Variants in PCDH11Y observed in about 807,000 individuals in gnomAD.
The protein encoded by PCDH11Y is protocadherin 11 Y-linked, also known as protocadherin-11 Y-linked.
For synonymous variants in PCDH11Y, 9 were observed against 83.6 expected, an observed-to-expected ratio of 0.11 and a Z score of 4.87; for missense variants, 12 against 224.8, an observed-to-expected ratio of 0.05 and a Z score of 6.05.
In PCDH11Y at chrY:5,396,866, C is replaced by T. The variant is rs1166407837; in HGVS notation, c.3130-104191C>T. ...GTGCCTCCTGGGTTCAAGCTATTCT[C>T]CTGCCTCAACCTCCTGGGTAGCTGG... On this transcript the variant is annotated intron_variant, in intron 2 of 4. Coordinates refer to the PCDH11Y transcript ENST00000400457. Among the ~76,000 whole-genome samples the T allele has an allele frequency of 1.3e-4, 4 of 31,928 alleles. No individual in the cohort carries two copies. The East Asian group carries it at 2.5e-3, about 20-fold the overall frequency. The allele number at this position is 31,928 out of a possible 37,273, so 85.7% of individuals were successfully genotyped here. A position where few individuals can be genotyped will look rare whatever the true frequency, so the allele number is the denominator to read the frequency against.
intron 2 of PCDH11Y, among the ~76,000 whole-genome samples, chrY:5,407,783 C>T: frequency 1.3e-4 from 4 of 31,011 alleles, no homozygotes; most frequent in Admixed American, 3.0e-4. Flanking sequence ...GGCGTGGTGG[C>T]GGGCGCCTGT....
chrY:5,730,651 G>C, intron 4 of PCDH11Y, among the ~76,000 whole-genome samples: 7 of 31,064 alleles, frequency 2.3e-4, no homozygotes, highest in African/African-American at 1.3e-4. Flanking sequence ...TTGAATAGGA[G>C]TACTGAAGAT....
intron 4 of PCDH11Y, among the ~76,000 whole-genome samples, chrY:5,679,542 C>T: frequency 2.9e-5 from 1 of 34,009 alleles, no homozygotes; most frequent in Non-Finnish European, 7.3e-5. Flanking sequence ...ACGCTGGCTT[C>T]GGGTGTGACC....
At chrY:5,353,922 C>T (rs2053162492) in intron 2 of PCDH11Y, among the ~76,000 whole-genome samples, 1 of 32,932 alleles carries the variant, frequency 3.0e-5, no homozygotes, top group Non-Finnish European at 7.5e-5. Context: ...TGCGTGAACC[C>T]GGGAGGCAGA....
At chrY:5,573,548 G>C in intron 3 of PCDH11Y, 1 of 283,593 alleles carries the variant, frequency 3.5e-6, no homozygotes, top group East Asian at 9.6e-5. Flanking sequence ...TCGAGGACCT[G>C]AGGGCTCAGA....
chrY:5,500,149 G>A, intron 2 of PCDH11Y, among the ~76,000 whole-genome samples: 1 of 32,040 alleles, frequency 3.1e-5, no homozygotes, highest in East Asian at 8.4e-4. Context: ...TTTCCATGGT[G>A]AGTTTTCCAA....
intron 2 of PCDH11Y, among the ~76,000 whole-genome samples, chrY:5,176,750 G>A: frequency 6.2e-5 from 2 of 32,452 alleles, no homozygotes; most frequent in Non-Finnish European, 1.5e-4. Flanking sequence ...TGCCATTTCT[G>A]TCTATAGGAA....
intron 3 of PCDH11Y, among the ~76,000 whole-genome samples, chrY:5,043,993 T>G (rs2124624684): frequency 6.1e-5 from 2 of 32,612 alleles, no homozygotes; most frequent in Non-Finnish European, 1.5e-4. Context: ...TATTTGATTC[T>G]TCTCTCTTTT....
At chrY:5,588,723 T>C in intron 4 of PCDH11Y, among the ~76,000 whole-genome samples, 1 of 33,465 alleles carries the variant, frequency 3.0e-5, no homozygotes, top group Non-Finnish European at 7.4e-5. Flanking sequence ...CTCCATTGTA[T>C]GTTATTTGTT....
At chrY:5,550,107 G>GA (rs745563279) in intron 3 of PCDH11Y, among the ~76,000 whole-genome samples, 39 of 18,915 alleles carry the variant, frequency 2.1e-3, no homozygotes, top group South Asian at 8.9e-3. Context: ...ATAAAAGGTT[G>GA]AAAAAAAAAA....
At chrY:5,519,424 T>G (rs2053377977) in intron 3 of PCDH11Y, among the ~76,000 whole-genome samples, 3 of 31,556 alleles carry the variant, frequency 9.5e-5, no homozygotes, top group Non-Finnish European at 1.5e-4. Context: ...TGTGTTTACT[T>G]CCACCCAAAA....
chrY:5,545,083 A>C, intron 3 of PCDH11Y, among the ~76,000 whole-genome samples: 1 of 32,375 alleles, frequency 3.1e-5, no homozygotes, highest in Non-Finnish European at 7.7e-5. Flanking sequence ...TACATATTTT[A>C]GTATAAAGGA....
At chrY:5,708,923 A>T (rs2053584612) in intron 4 of PCDH11Y, among the ~76,000 whole-genome samples, 4 of 32,870 alleles carry the variant, frequency 1.2e-4, no homozygotes. Context: ...ATGGGAGGCC[A>T]TCAGTCTAGG....
At chrY:5,565,185 C>T in intron 3 of PCDH11Y, among the ~76,000 whole-genome samples, 1 of 33,436 alleles carries the variant, frequency 3.0e-5, no homozygotes, top group African/African-American at 1.2e-4. Flanking sequence ...ATTGACTTAG[C>T]GAGGAGCCAC....
intron 2 of PCDH11Y, among the ~76,000 whole-genome samples, chrY:5,385,710 G>A (rs2053213535): frequency 8.9e-5 from 3 of 33,534 alleles, no homozygotes; most frequent in Admixed American, 2.7e-4. Flanking sequence ...ATTCTTGTGG[G>A]AGTAAGGTCG....
chrY:5,482,844 G>A, intron 2 of PCDH11Y, among the ~76,000 whole-genome samples: 1 of 22,944 alleles, frequency 4.4e-5, no homozygotes, highest in Non-Finnish European at 1.0e-4. Flanking sequence ...CACGAATTGC[G>A]TCTGACCTTT....
chrY:5,079,370 T>C, intron 1 of PCDH11Y, among the ~76,000 whole-genome samples: 15 of 32,744 alleles, frequency 4.6e-4, no homozygotes, highest in African/African-American at 1.8e-3. Flanking sequence ...TTGTGGAGGC[T>C]CCCACCCCAC....
intron 2 of PCDH11Y, among the ~76,000 whole-genome samples, chrY:5,430,634 G>T: frequency 3.0e-5 from 1 of 32,924 alleles, no homozygotes; most frequent in Non-Finnish European, 7.5e-5. Flanking sequence ...AAAATAATTG[G>T]ACACTTTTTT....
chrY:5,164,706 CA>C (rs2052877565), intron 2 of PCDH11Y, among the ~76,000 whole-genome samples: 9 of 29,488 alleles, frequency 3.1e-4, no homozygotes, highest in African/African-American at 9.2e-4. Flanking sequence ...ATAGGACAAA[CA>C]AAAAAAAAAT....
Sources: gnomAD v4.1 joint callset for allele counts (sites outside exome capture counted in the v4.1 genomes callset) on GRCh38, gnomAD v4.1.1 for gene constraint, MANE v1.5 for transcripts, NCBI Gene and HGNC (gene_info 2026-07-23, HGNC 2026-07-21) for gene names.